The following PTPRG variants were observed in gnomAD, a reference collection of about 807,000 sequenced individuals.
PTPRG encodes the protein protein tyrosine phosphatase receptor type G, also known as receptor-type tyrosine-protein phosphatase gamma.
In PTPRG, 102 loss-of-function variants were observed where a neutral mutation model predicts 165.3. The observed-to-expected ratio is 0.62, with a 90% CI of 0.53 to 0.73. The LOEUF is 0.73. Ranked by LOEUF, PTPRG falls within the 30% of genes least tolerant of loss-of-function variation. The pLI is 0.00. For missense variants in PTPRG, 1,866 were observed against 1,861.4 expected, an observed-to-expected ratio of 1.00 and a Z score of -0.05; for synonymous variants, 675 against 669.5, an observed-to-expected ratio of 1.01 and a Z score of -0.13.
intron 7 of PTPRG, among the ~76,000 whole-genome samples, chr3:62,166,872 A>G (rs1219471563): frequency 2.0e-5 from 3 of 151,860 alleles, no homozygotes; most frequent in African/African-American, 4.8e-5. Context: ...TATTTTTTAT[A>G]TAGGCAGGGT....
At chr3:61,644,785 C>T (rs1214115028) in intron 1 of PTPRG, among the ~76,000 whole-genome samples, 1 of 152,186 alleles carries the variant, frequency 6.6e-6, no homozygotes, top group Non-Finnish European at 1.5e-5. Context: ...AGGCTACACT[C>T]TCCCCTTTCT....
intron 2 of PTPRG, among the ~76,000 whole-genome samples, chr3:61,815,480 C>T (rs1036419246): frequency 1.3e-5 from 2 of 152,054 alleles, no homozygotes; most frequent in African/African-American, 4.8e-5. Flanking sequence ...ACCCTGTTTC[C>T]AATGCAGTCT....
intron 2 of PTPRG, among the ~76,000 whole-genome samples, chr3:61,924,231 T>G (rs2039151324): frequency 6.6e-6 from 1 of 152,196 alleles, no homozygotes. Flanking sequence ...GCCAGAATGG[T>G]CCTGTGACCA....
intron 5 of PTPRG, among the ~76,000 whole-genome samples, chr3:62,100,446 C>T (rs570589682): frequency 9.2e-5 from 14 of 152,216 alleles, no homozygotes; most frequent in East Asian, 3.9e-4. Flanking sequence ...CCCACCCCTA[C>T]GCTGTCATTT....
chr3:61,857,221 A>G (rs1188989144), intron 2 of PTPRG, among the ~76,000 whole-genome samples: 1 of 152,142 alleles, frequency 6.6e-6, no homozygotes, highest in Non-Finnish European at 1.5e-5. Context: ...ATCCTTATAC[A>G]ACTGAAGAAA....
At chr3:62,040,897 A>G (rs1420703462) in intron 4 of PTPRG, among the ~76,000 whole-genome samples, 1 of 152,188 alleles carries the variant, frequency 6.6e-6, no homozygotes, top group Non-Finnish European at 1.5e-5. Context: ...CAGTTTTGCC[A>G]TCTTTGGGTG....
intron 1 of PTPRG, among the ~76,000 whole-genome samples, chr3:61,563,399 C>T (rs980907641): frequency 1.3e-5 from 2 of 152,108 alleles, no homozygotes; most frequent in Non-Finnish European, 2.9e-5. Context: ...TGGCAGTTCC[C>T]CCTCCTCTCT....
rs1703085480 is a variant in PTPRG, at chr3:62,297,058, C to T, written c.*3751C>T. The stretch of plus-strand genomic sequence containing the variant: ...AAAGAATTCTGGCTTCACATTGACT[C>T]ATGTTTCTTTCACTCCATTTTGAAA... On this transcript the variant is annotated 3_prime_UTR_variant, in exon 30 of 30. Transcript: ENST00000474889. The T allele has an allele frequency of 6.6e-6, 1 of 152,028 alleles. No individual in the cohort carries two copies. Among genetic ancestry groups the T allele is most frequent in the African/African-American group, 2.4e-5 (1 of 41,414 alleles). The allele number at this position is 152,028 out of a possible 1,614,324, so 9.4% of individuals were successfully genotyped here. A position where few individuals can be genotyped will look rare whatever the true frequency, so the allele number is the denominator to read the frequency against.
chr3:61,847,517 C>T (rs2036840486), intron 2 of PTPRG, among the ~76,000 whole-genome samples: 1 of 152,162 alleles, frequency 6.6e-6, no homozygotes, highest in Non-Finnish European at 1.5e-5. Flanking sequence ...CACTCAGTCT[C>T]ACCGGCTGTA....
chr3:61,888,322 G>T (rs866761122), intron 2 of PTPRG, among the ~76,000 whole-genome samples: 9 of 149,498 alleles, frequency 6.0e-5, no homozygotes, highest in Non-Finnish European at 1.0e-4. Flanking sequence ...AAAATGGGTT[G>T]TTTTTTTTGT....
intron 1 of PTPRG, among the ~76,000 whole-genome samples, chr3:61,683,297 C>T (rs545137405): frequency 7.9e-5 from 12 of 152,296 alleles, no homozygotes; most frequent in Non-Finnish European, 1.5e-4. Flanking sequence ...AGCCGAATGG[C>T]GTCAGTCACT....
At chr3:61,631,941 G>A (rs1265922448) in intron 1 of PTPRG, among the ~76,000 whole-genome samples, 2 of 152,150 alleles carry the variant, frequency 1.3e-5, no homozygotes, top group African/African-American at 2.4e-5. Flanking sequence ...TCTGATTGTA[G>A]CCTGGATTGG....
intron 1 of PTPRG, among the ~76,000 whole-genome samples, chr3:61,731,800 T>C (rs916818113): frequency 6.6e-6 from 1 of 152,070 alleles, no homozygotes; most frequent in African/African-American, 2.4e-5. Flanking sequence ...AGGTACTTTT[T>C]TTTTTCTTTT....
At chr3:61,629,951 T>C (rs1417846651) in intron 1 of PTPRG, among the ~76,000 whole-genome samples, 1 of 152,216 alleles carries the variant, frequency 6.6e-6, no homozygotes, top group Non-Finnish European at 1.5e-5. Context: ...AAAATGTTTG[T>C]TCAACAGAAG....
intron 13 of PTPRG, among the ~76,000 whole-genome samples, chr3:62,221,482 T>G (rs975427469): frequency 6.6e-6 from 1 of 152,208 alleles, no homozygotes; most frequent in Non-Finnish European, 1.5e-5. Context: ...TTTTAAAAAA[T>G]TATTATTAAT....
chr3:62,247,213 A>G (rs547263796), intron 15 of PTPRG, among the ~76,000 whole-genome samples: 3 of 152,158 alleles, frequency 2.0e-5, no homozygotes, highest in African/African-American at 7.2e-5. Flanking sequence ...ACTTTTTTTT[A>G]ATTTGCCCAA....
chr3:61,626,883 TG>T (rs1701624315), intron 1 of PTPRG, among the ~76,000 whole-genome samples: 1 of 152,174 alleles, frequency 6.6e-6, no homozygotes, highest in African/African-American at 2.4e-5. Context: ...GATCAAATGC[TG>T]GGGATACAGC....
chr3:61,672,688 C>G (rs1333828280), intron 1 of PTPRG, among the ~76,000 whole-genome samples: 1 of 138,952 alleles, frequency 7.2e-6, no homozygotes, highest in Non-Finnish European at 1.6e-5. Flanking sequence ...AGCTTCGGCT[C>G]GGCATCAGAG....
At chr3:61,625,143 T>C (rs1453838824) in intron 1 of PTPRG, among the ~76,000 whole-genome samples, 1 of 151,804 alleles carries the variant, frequency 6.6e-6, no homozygotes, top group Admixed American at 6.6e-5. Flanking sequence ...TTTAACTTGA[T>C]TACCTCTGTA....
Sources: gnomAD v4.1 joint callset for allele counts (sites outside exome capture counted in the v4.1 genomes callset) on GRCh38, gnomAD v4.1.1 for gene constraint, MANE v1.5 for transcripts, NCBI Gene and HGNC (gene_info 2026-07-23, HGNC 2026-07-21) for gene names.